GRM7: variants seen among roughly 807,000 people sequenced by gnomAD.
GRM7 encodes the protein glutamate metabotropic receptor 7.
In GRM7, 35 loss-of-function variants were observed where a neutral mutation model predicts 84.5. The ratio of observed to expected loss-of-function variants is 0.41; its 90% confidence interval spans 0.32 to 0.55. GRM7 has a LOEUF of 0.55. GRM7 is among the 20% of genes least tolerant of loss of function. The pLI, the probability that GRM7 is intolerant of heterozygous loss-of-function variation, is 0.19. For missense variants in GRM7, 1,003 were observed against 1,194.6 expected, an observed-to-expected ratio of 0.84 and a Z score of 2.36; for synonymous variants, 487 against 455.1, an observed-to-expected ratio of 1.07 and a Z score of -0.89.
In GRM7 at chr3:7,128,668, A is replaced by G. The variant is rs1693486403; in HGVS notation, c.520-17784A>G. Among the ~76,000 whole-genome samples, 2 of 101,942 alleles carry G rather than the reference A, an allele frequency of 2.0e-5. 1 individual carries two copies. Among genetic ancestry groups the G allele is most frequent in the South Asian group, 6.2e-4 (2 of 3,218 alleles). 66.9% of individuals were successfully genotyped at this position (101,942 alleles called of 152,430 possible). On this transcript the variant is annotated intron_variant, in intron 1 of 9. Coordinates refer to ENST00000357716, the MANE Select transcript of GRM7 (RefSeq NM_000844.4). ...ATTACAGGTACCCACCACCACGCCC[A>G]GCTAATTTTTTCATATTTTAGTACA...
At chr3:7,703,357 C>T (rs1026026018) in intron 9 of GRM7, among the ~76,000 whole-genome samples, 3 of 152,062 alleles carry the variant, frequency 2.0e-5, no homozygotes, top group Non-Finnish European at 4.4e-5. Context: ...ACTGTAAGTT[C>T]TTTCTTAAGA....
chr3:7,167,918 A>G (rs1315280908), intron 2 of GRM7, among the ~76,000 whole-genome samples: 4 of 137,108 alleles, frequency 2.9e-5, no homozygotes, highest in Admixed American at 8.0e-5. Context: ...GCAGTGAGCC[A>G]AGATCACGCC....
At chr3:6,935,898 G>C (rs1350837668) in intron 1 of GRM7, among the ~76,000 whole-genome samples, 1 of 152,038 alleles carries the variant, frequency 6.6e-6, no homozygotes, top group African/African-American at 2.4e-5. Context: ...GTTTCACCAT[G>C]TTGGCCAGCC....
rs34849112 is a variant in GRM7 at position 6,902,850 on chromosome 3, T to TACACACAC, written c.519+40968_519+40975dup. 2.5e-3 allele frequency among the ~76,000 whole-genome samples: 332 copies of TACACACAC among 134,532 alleles called. 2 individuals are homozygous for TACACACAC. The highest frequency in any genetic ancestry group is 7.5e-3 in the African/African-American group (290 of 38,850). The allele number at this position is 134,532 out of a possible 152,430, so 88.3% of individuals were successfully genotyped here. ...AACAACACGATCACAAACAGACTCCTACACACACACACACACACACACACA... is the reference window on the plus strand; with the variant it reads ...AACAACACGATCACAAACAGACTCCTACACACACACACACACACACACACACACACACA... On this transcript the variant is annotated intron_variant, in intron 1 of 9. Coordinates refer to ENST00000357716, the MANE Select transcript of GRM7 (RefSeq NM_000844.4).
At chr3:7,217,101 C>CA (rs1246377964) in intron 2 of GRM7, among the ~76,000 whole-genome samples, 2 of 152,018 alleles carry the variant, frequency 1.3e-5, no homozygotes, top group East Asian at 1.9e-4. Context: ...GGAAAATAAG[C>CA]AAAAAAGACA....
At chr3:6,866,942 T>C (rs1243552524) in intron 1 of GRM7, among the ~76,000 whole-genome samples, 1 of 152,158 alleles carries the variant, frequency 6.6e-6, no homozygotes, top group East Asian at 1.9e-4. Context: ...ATTTTTAAGC[T>C]AGGGAGATGT....
intron 2 of GRM7, among the ~76,000 whole-genome samples, chr3:7,259,915 A>G (rs1559534211): frequency 2.2e-5 from 3 of 138,290 alleles, no homozygotes; most frequent in Admixed American, 1.4e-4. Flanking sequence ...CCAACAGTGT[A>G]TAAGCATTCC....
At position 7,550,571 on chromosome 3, in the gene GRM7, CTCTCTCTGTGTGTG is replaced by C. The variant is rs1352450520; in HGVS notation, c.1516-27849_1516-27836del. On this transcript the variant is annotated intron_variant, in intron 7 of 9. Coordinates refer to ENST00000357716, the MANE Select transcript of GRM7 (RefSeq NM_000844.4). ...CTTCTCTCTCTCTCTCTCTCTCTCT[CTCTCTCTGTGTGTG>C]TGTGTGTGTGTGTGTGTGTGTGTGT... is the stretch of plus-strand genomic sequence containing the variant. Among the ~76,000 whole-genome samples the C allele has an allele frequency of 9.2e-4, 80 of 87,224 alleles. No individual in the cohort carries two copies. In the South Asian group the frequency reaches 9.2e-3, roughly 10 times the overall value. 57.2% of individuals were successfully genotyped at this position (87,224 alleles called of 152,430 possible).
chr3:7,532,622 C>T (rs779753), intron 7 of GRM7, among the ~76,000 whole-genome samples: 59,976 of 151,566 alleles, frequency 0.4, 12,641 homozygotes, highest in East Asian at 0.47. Flanking sequence ...CTATCTCCTT[C>T]AGTTCTGCTC....
intron 1 of GRM7, among the ~76,000 whole-genome samples, chr3:6,940,485 A>G (rs1389823825): frequency 6.6e-6 from 1 of 152,182 alleles, no homozygotes; most frequent in Non-Finnish European, 1.5e-5. Context: ...ATTCTGGTCA[A>G]TATGCTTCAA....
intron 4 of GRM7, among the ~76,000 whole-genome samples, chr3:7,343,664 A>G (rs765229122): frequency 3.3e-5 from 5 of 152,174 alleles, no homozygotes; most frequent in Non-Finnish European, 7.4e-5. Flanking sequence ...AATCTCCTTC[A>G]GCAATGTTTT....
chr3:7,192,831 T>C (rs1473116610), intron 2 of GRM7, among the ~76,000 whole-genome samples: 1 of 152,112 alleles, frequency 6.6e-6, no homozygotes, highest in Non-Finnish European at 1.5e-5. Context: ...CACTTTTCAA[T>C]CCAATGTAAT....
intron 1 of GRM7, among the ~76,000 whole-genome samples, chr3:6,908,802 A>G (rs1575001106): frequency 1.3e-5 from 2 of 152,132 alleles, no homozygotes; most frequent in African/African-American, 4.8e-5. Context: ...TCACGTTCCT[A>G]TTAGAACTAG....
At chr3:7,252,263 A>C (rs541406296) in intron 2 of GRM7, among the ~76,000 whole-genome samples, 1 of 152,270 alleles carries the variant, frequency 6.6e-6, no homozygotes, top group Non-Finnish European at 1.5e-5. Flanking sequence ...TGATATGGGC[A>C]ATTAAGAGGC....
intron 2 of GRM7, among the ~76,000 whole-genome samples, chr3:7,153,373 A>G (rs1260857285): frequency 6.6e-6 from 1 of 152,016 alleles, no homozygotes; most frequent in Non-Finnish European, 1.5e-5. Flanking sequence ...AAACTCTATC[A>G]TGGACTTTGT....
intron 8 of GRM7, among the ~76,000 whole-genome samples, chr3:7,632,396 A>T (rs1168825222): frequency 6.6e-6 from 1 of 152,178 alleles, no homozygotes; most frequent in Non-Finnish European, 1.5e-5. Flanking sequence ...GAACACAAAA[A>T]GTAAAGGAAT....
intron 1 of GRM7, among the ~76,000 whole-genome samples, chr3:7,101,854 C>T (rs59964288): frequency 0.02 from 2,932 of 148,850 alleles, 98 homozygotes; most frequent in African/African-American, 0.067. Flanking sequence ...TATATATACA[C>T]ATTTTAGTGT....
chr3:7,611,899 A>G (rs1696865703), intron 8 of GRM7, among the ~76,000 whole-genome samples: 1 of 152,222 alleles, frequency 6.6e-6, no homozygotes, highest in African/African-American at 2.4e-5. Flanking sequence ...CATGTTTTTA[A>G]GAATCTATGA....
intron 1 of GRM7, among the ~76,000 whole-genome samples, chr3:7,123,899 G>A (rs1369119600): frequency 3.3e-5 from 5 of 152,144 alleles, no homozygotes; most frequent in Non-Finnish European, 7.3e-5. Context: ...TCTCCATTGT[G>A]TTCAGTTGTA....
Sources: allele counts gnomAD v4.1 joint callset (sites outside exome capture counted in the v4.1 genomes callset), GRCh38; gene constraint gnomAD v4.1.1; transcripts MANE v1.5; gene names NCBI Gene and HGNC (gene_info 2026-07-23, HGNC 2026-07-21).